The following ADAMTSL1 variants were observed in gnomAD, a reference collection of about 807,000 sequenced individuals.
ADAMTSL1 encodes ADAMTS like 1.
In ADAMTSL1, 126 loss-of-function variants were observed where a neutral mutation model predicts 201.8. That is an observed-to-expected ratio of 0.62 (90% CI 0.54 to 0.72). ADAMTSL1 has a LOEUF of 0.72. Ranked by LOEUF, ADAMTSL1 falls within the 30% of genes least tolerant of loss-of-function variation. The probability of loss-of-function intolerance (pLI) is 0.00; values close to 1 mark genes in which losing one functional copy is unlikely to be tolerated. For missense variants in ADAMTSL1, 2,679 were observed against 2,277.8 expected (o/e 1.18, Z -3.59); for synonymous variants, 1,121 against 903.4 (o/e 1.24, Z -4.32).
intron 1 of ADAMTSL1, among the ~76,000 whole-genome samples, chr9:17,936,615 C>T (rs564757313): frequency 3.3e-5 from 5 of 152,294 alleles, no homozygotes; most frequent in East Asian, 3.9e-4. Context: ...TGGATTATAT[C>T]GTGGTCTCTC....
At chr9:18,356,167 C>G (rs1836214470) in intron 2 of ADAMTSL1, among the ~76,000 whole-genome samples, 1 of 152,202 alleles carries the variant, frequency 6.6e-6, no homozygotes, top group Non-Finnish European at 1.5e-5. Context: ...TACCCAAAGG[C>G]AGGAACATCC....
Position 18,906,778 on chromosome 9 carries a change from G to T in ADAMTSL1, c.5048G>T (p.Gly1683Val). 6.2e-7 allele frequency: 1 copy of T among 1,614,004 alleles called. No individual in the cohort carries two copies. The highest frequency in any genetic ancestry group is 8.5e-7 in the Non-Finnish European group (1 of 1,179,884). The change falls in exon 28 of 29, where the codon GGC becomes GTC. Residue 1683 changes from glycine to valine, a missense_variant. Transcript: ENST00000380548. ...SLWTLCTATC[G>V]NYGFQSRRVE... ...TGGACCCTGTGCACAGCTACCTGTG[G>T]CAACTACGGCTTCCAGTCCCGGCGT...
chr9:18,322,968 A>G (rs1834686950), intron 2 of ADAMTSL1, among the ~76,000 whole-genome samples: 1 of 152,206 alleles, frequency 6.6e-6, no homozygotes, highest in Non-Finnish European at 1.5e-5. Flanking sequence ...GCATTTAAGG[A>G]AGAGCTAATA....
chr9:17,950,478 A>C (rs1827690832), intron 1 of ADAMTSL1, among the ~76,000 whole-genome samples: 1 of 151,704 alleles, frequency 6.6e-6, no homozygotes. Flanking sequence ...CTCTCTTTTT[A>C]TACTTTTATC....
intron 1 of ADAMTSL1, among the ~76,000 whole-genome samples, chr9:18,084,271 C>G (rs1027538450): frequency 3.9e-5 from 6 of 152,092 alleles, no homozygotes; most frequent in African/African-American, 1.4e-4. Flanking sequence ...CCTGTAATCC[C>G]AGCACTTTGG....
chr9:18,582,368 C>T (rs149611506), intron 4 of ADAMTSL1, among the ~76,000 whole-genome samples: 75 of 152,248 alleles, frequency 4.9e-4, no homozygotes, highest in African/African-American at 1.8e-3. Flanking sequence ...CAGCTAAGTA[C>T]GTAAGTTTAT....
chr9:18,853,272 T>C (rs1826615311), intron 23 of ADAMTSL1, among the ~76,000 whole-genome samples: 1 of 152,216 alleles, frequency 6.6e-6, no homozygotes, highest in Admixed American at 6.5e-5. Context: ...GCCAATTTAT[T>C]AAGACAGGGG....
At chr9:18,329,466 G>A (rs956108879) in intron 2 of ADAMTSL1, among the ~76,000 whole-genome samples, 3 of 152,132 alleles carry the variant, frequency 2.0e-5, no homozygotes, top group African/African-American at 4.8e-5. Flanking sequence ...GTGACCCAAG[G>A]AGTCCTCCAA....
chr9:18,555,724 G>C (rs1309219771), intron 3 of ADAMTSL1, among the ~76,000 whole-genome samples: 1 of 151,956 alleles, frequency 6.6e-6, no homozygotes, highest in Non-Finnish European at 1.5e-5. Context: ...CTTTGAAGGA[G>C]TTAACCAGGG....
intron 2 of ADAMTSL1, among the ~76,000 whole-genome samples, chr9:18,280,404 C>CAAAA: frequency 7.6e-6 from 1 of 131,876 alleles, no homozygotes; most frequent in African/African-American, 2.9e-5. Context: ...GTTTATCTCT[C>CAAAA]AAAAAAAAAA....
intron 16 of ADAMTSL1, among the ~76,000 whole-genome samples, chr9:18,762,642 C>A (rs180857135): frequency 3.3e-5 from 5 of 151,966 alleles, no homozygotes; most frequent in Non-Finnish European, 7.4e-5. Context: ...TCCCCCTCAG[C>A]CCCTCACTAC....
chr9:18,262,261 T>A (rs1459751501), intron 2 of ADAMTSL1, among the ~76,000 whole-genome samples: 1 of 152,052 alleles, frequency 6.6e-6, no homozygotes, highest in East Asian at 1.9e-4. Flanking sequence ...TAGGGGGTGG[T>A]GGAGACTGTG....
At chr9:18,701,059 C>G (rs1831893798) in intron 13 of ADAMTSL1, among the ~76,000 whole-genome samples, 1 of 152,148 alleles carries the variant, frequency 6.6e-6, no homozygotes, top group Admixed American at 6.5e-5. Context: ...CACAGTTAAT[C>G]TGTATTTCTC....
intron 23 of ADAMTSL1, among the ~76,000 whole-genome samples, chr9:18,864,308 C>T (rs1344743104): frequency 2.0e-5 from 3 of 152,148 alleles, no homozygotes; most frequent in African/African-American, 7.2e-5. Flanking sequence ...AAAACGTGCA[C>T]TCAGAATTCT....
chr9:18,872,297 A>T (rs1827913176), intron 23 of ADAMTSL1, among the ~76,000 whole-genome samples: 1 of 152,178 alleles, frequency 6.6e-6, no homozygotes, highest in Admixed American at 6.6e-5. Flanking sequence ...GGGCTGAGGG[A>T]ACAAGGGAAG....
chr9:17,981,169 G>A (rs1043912820), intron 1 of ADAMTSL1, among the ~76,000 whole-genome samples: 1 of 152,176 alleles, frequency 6.6e-6, no homozygotes, highest in Non-Finnish European at 1.5e-5. Flanking sequence ...ACAATGGGAA[G>A]GTGGCCCTCT....
intron 4 of ADAMTSL1, among the ~76,000 whole-genome samples, chr9:18,583,201 G>T (rs932788958): frequency 2.6e-5 from 4 of 152,174 alleles, no homozygotes; most frequent in African/African-American, 9.7e-5. Flanking sequence ...TGGTTTCGTG[G>T]GCCGGGCCCA....
chr9:18,282,182 G>A (rs563695285), intron 2 of ADAMTSL1, among the ~76,000 whole-genome samples: 1 of 152,224 alleles, frequency 6.6e-6, no homozygotes, highest in South Asian at 2.1e-4. Context: ...CTCTGTTTCT[G>A]TGTTAGTTCA....
intron 2 of ADAMTSL1, among the ~76,000 whole-genome samples, chr9:18,427,354 G>A (rs1287186008): frequency 2.6e-5 from 4 of 152,170 alleles, no homozygotes; most frequent in Non-Finnish European, 5.9e-5. Context: ...GATAATTCCT[G>A]TATTTTTGAA....
Sources: allele counts gnomAD v4.1 joint callset (sites outside exome capture counted in the v4.1 genomes callset), GRCh38; gene constraint gnomAD v4.1.1; transcripts MANE v1.5; gene names NCBI Gene and HGNC (gene_info 2026-07-23, HGNC 2026-07-21).